BTBD9: variants seen among roughly 807,000 people sequenced by gnomAD.
The protein encoded by BTBD9 is BTB domain containing 9.
BTBD9 carries 49 observed loss-of-function variants against 64.3 expected under a neutral mutation model. That is an observed-to-expected ratio of 0.76 (90% confidence interval 0.61 to 0.97). BTBD9 has a LOEUF of 0.97. Ranked by LOEUF, BTBD9 falls within the 50% of genes least tolerant of loss-of-function variation. The pLI is 0.00. For synonymous variants in BTBD9, 260 were observed against 274.7 expected, an observed-to-expected ratio of 0.95 and a Z score of 0.53; for missense variants, 598 against 762.1, an observed-to-expected ratio of 0.78 and a Z score of 2.53.
At chr6:38,355,613 G>GT (rs1488471378) in intron 6 of BTBD9, among the ~76,000 whole-genome samples, 3 of 152,196 alleles carry the variant, frequency 2.0e-5, no homozygotes, top group African/African-American at 7.2e-5. Flanking sequence ...AAGAAAGGAC[G>GT]TTTTTTAATA....
intron 7 of BTBD9, among the ~76,000 whole-genome samples, chr6:38,293,772 T>C (rs1762053450): frequency 6.6e-6 from 1 of 152,158 alleles, no homozygotes; most frequent in Non-Finnish European, 1.5e-5. Flanking sequence ...AAAGACTTCA[T>C]GACTAAAACA....
chr6:38,210,955 C>T (rs926391277), intron 9 of BTBD9, among the ~76,000 whole-genome samples: 3 of 152,222 alleles, frequency 2.0e-5, no homozygotes, highest in Non-Finnish European at 2.9e-5. Flanking sequence ...GGGTCACACA[C>T]ATCTGAGTTC....
intron 6 of BTBD9, among the ~76,000 whole-genome samples, chr6:38,473,263 T>A (rs1341914461): frequency 6.6e-6 from 1 of 152,154 alleles, no homozygotes; most frequent in Non-Finnish European, 1.5e-5. Context: ...GGAACCTCAA[T>A]AAAAAGAAGT....
chr6:38,482,867 A>G (rs1771221666), intron 6 of BTBD9, among the ~76,000 whole-genome samples: 1 of 152,114 alleles, frequency 6.6e-6, no homozygotes, highest in African/African-American at 2.4e-5. Flanking sequence ...TAAGGCTTCC[A>G]TTTTTGCCTC....
chr6:38,459,246 T>A (rs1406500856), intron 6 of BTBD9, among the ~76,000 whole-genome samples: 1 of 152,180 alleles, frequency 6.6e-6, no homozygotes, highest in Non-Finnish European at 1.5e-5. Flanking sequence ...CTCGAACTCC[T>A]GACCTCAGGT....
At position 38,245,434 on chromosome 6, in the gene BTBD9, C is replaced by T. The variant is rs190514745; in HGVS notation, c.1562+10975G>A. On this transcript the variant is annotated intron_variant, in intron 9 of 10. Coordinates refer to ENST00000481247, the MANE Select transcript of BTBD9 (RefSeq NM_001099272.2). ...TCCAGACAGAGACCAGCATGGCATG[C>T]GCAAAGGCTCTGTGTGAGGACAGAG... Among the ~76,000 whole-genome samples the T allele has an allele frequency of 5.7e-3, 867 of 152,020 alleles. 12 individuals are homozygous for T. Among genetic ancestry groups the T allele is most frequent in the Admixed American group, 0.025 (386 of 15,268 alleles).
At chr6:38,302,883 T>G (rs1025114147) in intron 7 of BTBD9, among the ~76,000 whole-genome samples, 6 of 152,272 alleles carry the variant, frequency 3.9e-5, no homozygotes, top group Admixed American at 3.9e-4. Flanking sequence ...TTATTTGCAT[T>G]TCCCTGATTA....
intron 6 of BTBD9, among the ~76,000 whole-genome samples, chr6:38,480,716 C>A (rs1771100488): frequency 6.6e-6 from 1 of 152,168 alleles, no homozygotes. Flanking sequence ...GAAAAGAAGC[C>A]TGACAACTTG....
At chr6:38,194,533 C>T (rs1054120479) in intron 9 of BTBD9, among the ~76,000 whole-genome samples, 6 of 152,186 alleles carry the variant, frequency 3.9e-5, no homozygotes, top group Admixed American at 6.5e-5. Context: ...CCTTTTAGCT[C>T]AATGCCTGTC....
chr6:38,602,234 C>T (rs997481650), intron 1 of BTBD9, among the ~76,000 whole-genome samples: 1 of 151,858 alleles, frequency 6.6e-6, no homozygotes, highest in Non-Finnish European at 1.5e-5. Flanking sequence ...AAAAGCTGAA[C>T]AGTCACATAA....
intron 7 of BTBD9, among the ~76,000 whole-genome samples, chr6:38,304,683 G>C (rs1389702890): frequency 6.6e-6 from 1 of 151,918 alleles, no homozygotes; most frequent in Non-Finnish European, 1.5e-5. Context: ...CTCCCACCTT[G>C]GCCTCTCAAA....
In BTBD9 at chr6:38,174,415, T is replaced by C. The variant is rs1290264678; in HGVS notation, c.*570A>G. 1 of 152,466 alleles carries C rather than the reference T, an allele frequency of 6.6e-6. No individual in the cohort carries two copies. Among genetic ancestry groups the C allele is most frequent in the African/African-American group, 2.4e-5 (1 of 41,450 alleles). 9.4% of individuals were successfully genotyped at this position (152,466 alleles called of 1,614,324 possible). ...CCGTTCAAAACCAAGGAAGGAAAAT[T>C]ATAGCATCAAAAGGGATTAAAACTA... On this transcript the variant is annotated 3_prime_UTR_variant, in exon 11 of 11. Transcript: ENST00000481247.
At chr6:38,293,081 G>A (rs965531394) in intron 7 of BTBD9, among the ~76,000 whole-genome samples, 5 of 152,104 alleles carry the variant, frequency 3.3e-5, no homozygotes, top group African/African-American at 1.2e-4. Flanking sequence ...TATTTACCCA[G>A]TAATCATTCA....
chr6:38,567,154 C>A (rs901648590), intron 6 of BTBD9, among the ~76,000 whole-genome samples: 1 of 152,220 alleles, frequency 6.6e-6, no homozygotes, highest in Non-Finnish European at 1.5e-5. Flanking sequence ...TTATCAGTAA[C>A]TAATGTGTAA....
chr6:38,454,562 C>T (rs1279120935), intron 6 of BTBD9, among the ~76,000 whole-genome samples: 5 of 150,530 alleles, frequency 3.3e-5, no homozygotes, highest in East Asian at 1.9e-4. Context: ...CTTAGGAGGC[C>T]GACACATGAG....
In BTBD9 at chr6:38,266,640, AAGAAAGAAAGAAAGAAAG is replaced by A. The variant is rs1582137418; in HGVS notation, c.1455-10142_1455-10125del. On this transcript the variant is annotated intron_variant, in intron 8 of 10. Transcript: ENST00000481247. ...AAAGAAAGAAAGAAAGAAAGAAAGA[AAGAAAGAAAGAAAGAAAG>A]AAAGAAAGAAAGAAAGAAAGAAGAA... Among the ~76,000 whole-genome samples, 7 of 125,052 alleles carry A rather than the reference AAGAAAGAAAGAAAGAAAG, an allele frequency of 5.6e-5. No individual in the cohort carries two copies. The East Asian group carries it at 1.3e-3, about 22-fold the overall frequency. The allele number at this position is 125,052 out of a possible 152,430, so 82.0% of individuals were successfully genotyped here. A position where few individuals can be genotyped will look rare whatever the true frequency, so the allele number is the denominator to read the frequency against.
At chr6:38,598,513 A>G (rs1369346933) in intron 1 of BTBD9, among the ~76,000 whole-genome samples, 1 of 152,208 alleles carries the variant, frequency 6.6e-6, no homozygotes, top group Non-Finnish European at 1.5e-5. Flanking sequence ...ACCGAATAGA[A>G]AAGTCATTCA....
chr6:38,391,878 A>G (rs1226157806), intron 6 of BTBD9, among the ~76,000 whole-genome samples: 1 of 152,172 alleles, frequency 6.6e-6, no homozygotes, highest in Non-Finnish European at 1.5e-5. Flanking sequence ...ATCGATCGGC[A>G]ACTTGCTCAA....
intron 7 of BTBD9, among the ~76,000 whole-genome samples, chr6:38,328,340 G>A (rs1012279858): frequency 1.3e-5 from 2 of 152,110 alleles, no homozygotes; most frequent in Admixed American, 6.5e-5. Context: ...ATTAAGGGTA[G>A]GGCACTAATC....
Sources: gnomAD v4.1 joint callset for allele counts (sites outside exome capture counted in the v4.1 genomes callset) on GRCh38, gnomAD v4.1.1 for gene constraint, MANE v1.5 for transcripts, NCBI Gene and HGNC (gene_info 2026-07-23, HGNC 2026-07-21) for gene names.